Variants in CNTN4 observed in about 807,000 individuals in gnomAD.
The protein encoded by CNTN4 is contactin-4.
In CNTN4, 77 loss-of-function variants were observed where a neutral mutation model predicts 122.5. The observed-to-expected ratio is 0.63, with a 90% confidence interval of 0.52 to 0.76. The LOEUF (loss-of-function observed/expected upper bound fraction) is 0.76. Ranked by LOEUF, CNTN4 falls within the 30% of genes least tolerant of loss-of-function variation. The pLI is 0.00. For missense variants in CNTN4, 1,256 were observed against 1,259.1 expected (o/e 1.00, Z 0.04); for synonymous variants, 512 against 447.0 (o/e 1.15, Z -1.83).
chr3:2,128,109 T>C (rs1269361934), intron 2 of CNTN4, among the ~76,000 whole-genome samples: 1 of 152,182 alleles, frequency 6.6e-6, no homozygotes, highest in Non-Finnish European at 1.5e-5. Context: ...AGATAGAGCC[T>C]GGTTGGTAAT....
rs79440980 is a variant in CNTN4 at position 2,450,010 on chromosome 3, C to G, written c.-89+110777C>G. 6.5e-3 allele frequency among the ~76,000 whole-genome samples: 988 copies of G among 152,248 alleles called. 13 individuals are homozygous for G. Among genetic ancestry groups the G allele is most frequent in the African/African-American group, 0.023 (962 of 41,558 alleles). ...AGTCAGGCAAGATGAAAAAATTCCA[C>G]AGATCTGTTGTACAACATAGTGCTT... On this transcript the variant is annotated intron_variant, in intron 3 of 24. Coordinates refer to ENST00000418658, the MANE Select transcript of CNTN4 (RefSeq NM_175607.3).
chr3:2,133,144 G>C (rs558627658), intron 2 of CNTN4, among the ~76,000 whole-genome samples: 2 of 152,252 alleles, frequency 1.3e-5, no homozygotes, highest in South Asian at 4.2e-4. Context: ...CTAAGGGTTG[G>C]TTGGAACTTC....
intron 3 of CNTN4, among the ~76,000 whole-genome samples, chr3:2,535,652 G>C (rs980390983): frequency 5.3e-5 from 8 of 152,070 alleles, no homozygotes; most frequent in African/African-American, 1.9e-4. Flanking sequence ...CTATTCCTAA[G>C]TGCTAAGAGG....
chr3:2,475,161 G>A (rs918961035), intron 3 of CNTN4, among the ~76,000 whole-genome samples: 6 of 152,138 alleles, frequency 3.9e-5, no homozygotes, highest in African/African-American at 9.7e-5. Context: ...TGACAGGTAC[G>A]AAATGGACAA....
At chr3:2,497,209 A>G (rs2076475898) in intron 3 of CNTN4, among the ~76,000 whole-genome samples, 2 of 152,222 alleles carry the variant, frequency 1.3e-5, no homozygotes, top group Admixed American at 1.3e-4. Flanking sequence ...TGTTCCTCTG[A>G]CACTGTTTGA....
chr3:2,560,880 A>G (rs1413740647), intron 3 of CNTN4, among the ~76,000 whole-genome samples: 6 of 152,176 alleles, frequency 3.9e-5, no homozygotes, highest in East Asian at 1.9e-4. Flanking sequence ...GCCGTAGTAG[A>G]TTTTATTTAA....
At chr3:2,613,181 G>A (rs954715326) in intron 4 of CNTN4, among the ~76,000 whole-genome samples, 5 of 152,056 alleles carry the variant, frequency 3.3e-5, no homozygotes, top group Admixed American at 1.3e-4. Context: ...CACACGTGGA[G>A]ACTCCCTGTT....
At chr3:2,295,027 A>G (rs1309590636) in intron 2 of CNTN4, among the ~76,000 whole-genome samples, 3 of 151,910 alleles carry the variant, frequency 2.0e-5, no homozygotes, top group African/African-American at 4.8e-5. Flanking sequence ...TTATGGCTGC[A>G]TAGTATTCCA....
At chr3:3,005,530 C>T (rs1462088110) in intron 14 of CNTN4, among the ~76,000 whole-genome samples, 3 of 152,210 alleles carry the variant, frequency 2.0e-5, no homozygotes, top group Non-Finnish European at 4.4e-5. Context: ...CAAGGATCCC[C>T]GTTTCCGCAG....
intron 2 of CNTN4, among the ~76,000 whole-genome samples, chr3:2,170,952 A>T (rs1190027494): frequency 1.3e-5 from 2 of 152,216 alleles, no homozygotes; most frequent in Admixed American, 1.3e-4. Context: ...ACAAAAGCAC[A>T]TTACTCTGAA....
chr3:2,140,931 T>G (rs1209142289), intron 2 of CNTN4, among the ~76,000 whole-genome samples: 1 of 152,218 alleles, frequency 6.6e-6, no homozygotes, highest in Non-Finnish European at 1.5e-5. Context: ...GAGTTCCAGC[T>G]TCTTTTCTTT....
intron 3 of CNTN4, among the ~76,000 whole-genome samples, chr3:2,479,562 T>G (rs892077013): frequency 6.6e-5 from 10 of 152,170 alleles, no homozygotes; most frequent in African/African-American, 2.4e-4. Flanking sequence ...ATAATGAAAC[T>G]TACGCGATGC....
intron 13 of CNTN4, among the ~76,000 whole-genome samples, chr3:2,974,207 A>G (rs919336959): frequency 1.3e-5 from 2 of 152,188 alleles, no homozygotes; most frequent in African/African-American, 4.8e-5. Flanking sequence ...GGTTTTTATC[A>G]CATTTATTTT....
intron 2 of CNTN4, among the ~76,000 whole-genome samples, chr3:2,166,846 ACAAATAAGATGAATAGCT>A (rs2036214533): frequency 6.6e-6 from 1 of 152,192 alleles, no homozygotes; most frequent in South Asian, 2.1e-4. Flanking sequence ...ACAGTGAAAT[ACAAATAAGATGAATAGCT>A]CCTTAATGGC....
chr3:2,548,536 A>G (rs1019458329), intron 3 of CNTN4, among the ~76,000 whole-genome samples: 2 of 151,932 alleles, frequency 1.3e-5, no homozygotes, highest in South Asian at 4.2e-4. Flanking sequence ...TGGTCTATAT[A>G]TCCTTTTTGT....
At chr3:2,831,813 C>T (rs1199990622) in intron 7 of CNTN4, among the ~76,000 whole-genome samples, 3 of 152,188 alleles carry the variant, frequency 2.0e-5, no homozygotes, top group Admixed American at 6.5e-5. Context: ...TCCTCTCATT[C>T]CCTCAAATCA....
chr3:2,747,828 G>T (rs1227772377), intron 6 of CNTN4, among the ~76,000 whole-genome samples: 15 of 152,106 alleles, frequency 9.9e-5, no homozygotes, highest in Non-Finnish European at 1.5e-5. Context: ...AGGCACCCTG[G>T]CCCACAGCAG....
intron 2 of CNTN4, among the ~76,000 whole-genome samples, chr3:2,228,115 GA>G (rs2149527981): frequency 6.6e-6 from 1 of 152,040 alleles, no homozygotes; most frequent in South Asian, 2.1e-4. Context: ...AGTTACAAGT[GA>G]TTTTTTTTCA....
chr3:2,335,359 T>C (rs907391741), intron 2 of CNTN4, among the ~76,000 whole-genome samples: 9 of 152,220 alleles, frequency 5.9e-5, no homozygotes, highest in African/African-American at 1.7e-4. Flanking sequence ...TGGGCAGTGT[T>C]CTCATGGATT....
Sources: gnomAD v4.1 joint callset for allele counts (sites outside exome capture counted in the v4.1 genomes callset) on GRCh38, gnomAD v4.1.1 for gene constraint, MANE v1.5 for transcripts, NCBI Gene and HGNC (gene_info 2026-07-23, HGNC 2026-07-21) for gene names.